Variants in LRRC37A2 observed in about 807,000 individuals in gnomAD.
LRRC37A2 encodes the protein leucine rich repeat containing 37 member A2.
A neutral mutation model predicts 68.8 loss-of-function variants in LRRC37A2; 9 were observed. That is an observed-to-expected ratio of 0.13 (90% CI 0.08 to 0.23). LRRC37A2 has a LOEUF of 0.23. LRRC37A2 is among the 10% of genes least tolerant of loss of function. The pLI, the probability that LRRC37A2 is intolerant of heterozygous loss-of-function variation, is 1.00. For synonymous variants in LRRC37A2, 63 were observed against 367.6 expected (o/e 0.17, Z 9.48); for missense variants, 168 against 950.4 (o/e 0.18, Z 10.82).
chr17:46,957,798 C>T, the LRRC37A2 span, among the ~76,000 whole-genome samples: 1 of 152,116 alleles, frequency 6.6e-6, no homozygotes, highest in Non-Finnish European at 1.5e-5. Context: ...GGCCAGATAT[C>T]GGACAGGAGA....
At chr17:46,545,180 C>A (rs2145697310) in intron 8 of LRRC37A2, among the ~76,000 whole-genome samples, 1 of 134,354 alleles carries the variant, frequency 7.4e-6, no homozygotes, top group South Asian at 2.2e-4. Context: ...ACTTGTAATC[C>A]CAGCACTTTG....
At chr17:46,994,407 T>TG in the LRRC37A2 span, among the ~76,000 whole-genome samples, 1 of 140,344 alleles carries the variant, frequency 7.1e-6, no homozygotes, top group Non-Finnish European at 1.5e-5. Context: ...AAAATGCTGG[T>TG]GGGGGTTGGG....
the LRRC37A2 span, among the ~76,000 whole-genome samples, chr17:46,494,442 A>G: frequency 8.0e-5 from 12 of 149,268 alleles, no homozygotes; most frequent in South Asian, 2.5e-3. Flanking sequence ...CAGCTCTGCC[A>G]TTGTAGCAAT....
chr17:46,865,739 G>A, the LRRC37A2 span, among the ~76,000 whole-genome samples: 2 of 152,048 alleles, frequency 1.3e-5, no homozygotes, highest in Non-Finnish European at 2.9e-5. Flanking sequence ...GCCTGTAGCT[G>A]GAACCACAGG....
the LRRC37A2 span, chr17:46,769,726 C>T: frequency 5.0e-6 from 8 of 1,597,212 alleles, no homozygotes; most frequent in African/African-American, 1.3e-5. Context: ...AGGGCAGCTC[C>T]GGAGGGGAAG....
chr17:46,799,610 G>A, the LRRC37A2 span, among the ~76,000 whole-genome samples: 4 of 151,986 alleles, frequency 2.6e-5, no homozygotes, highest in Non-Finnish European at 4.4e-5. Context: ...ACCATGCCTG[G>A]CTACTTTTTG....
chr17:46,512,812 G>A (rs2051034179), exon 2 of LRRC37A2: 5 of 696,482 alleles, frequency 7.2e-6, no homozygotes, highest in Non-Finnish European at 1.1e-5. Flanking sequence ...GTGGCTACTA[G>A]TTAAGGAGGC....
chr17:46,875,056 C>G, the LRRC37A2 span: 7 of 1,613,278 alleles, frequency 4.3e-6, no homozygotes, highest in South Asian at 7.7e-5. Context: ...CCTTTCCTCT[C>G]TTCCCCCTTT....
At chr17:46,394,609 A>G in the LRRC37A2 span, among the ~76,000 whole-genome samples, 5 of 74,782 alleles carry the variant, frequency 6.7e-5, no homozygotes, top group Non-Finnish European at 1.9e-4. Context: ...TACACCCTCT[A>G]GGATGGTCAT....
chr17:46,744,009 C>T, the LRRC37A2 span, among the ~76,000 whole-genome samples: 5 of 152,108 alleles, frequency 3.3e-5, no homozygotes, highest in African/African-American at 1.2e-4. Context: ...AGGGCCTTGC[C>T]AGTGCCTACT....
chr17:46,871,303 C>T, the LRRC37A2 span, among the ~76,000 whole-genome samples: 1 of 152,180 alleles, frequency 6.6e-6, no homozygotes, highest in South Asian at 2.1e-4. Flanking sequence ...ATTCCACCCA[C>T]ACTGGGGGCA....
At chr17:46,970,159 A>G in the LRRC37A2 span, among the ~76,000 whole-genome samples, 37 of 152,214 alleles carry the variant, frequency 2.4e-4, no homozygotes, top group Admixed American at 9.8e-4. Context: ...ATGTGGTTCC[A>G]TCCCACGGCT....
the LRRC37A2 span, among the ~76,000 whole-genome samples, chr17:46,900,184 T>TATAC: frequency 1.1e-4 from 13 of 122,182 alleles, no homozygotes; most frequent in Non-Finnish European, 1.9e-4. Flanking sequence ...TATATATATA[T>TATAC]ATATATATAT....
chr17:46,877,337 C>T, the LRRC37A2 span, among the ~76,000 whole-genome samples: 1 of 152,202 alleles, frequency 6.6e-6, no homozygotes, highest in Non-Finnish European at 1.5e-5. Flanking sequence ...CTTGAGTGGA[C>T]CCGAGTGAGA....
chr17:46,903,853 T>A, the LRRC37A2 span, among the ~76,000 whole-genome samples: 1 of 142,966 alleles, frequency 7.0e-6, no homozygotes, highest in Non-Finnish European at 1.5e-5. Context: ...GATGGATAGG[T>A]GGGTGGATGT....
the LRRC37A2 span, among the ~76,000 whole-genome samples, chr17:46,902,071 G>C: frequency 5.9e-5 from 9 of 152,176 alleles, no homozygotes; most frequent in Non-Finnish European, 8.8e-5. Flanking sequence ...GCCTCCCAAA[G>C]TGCTGGGATT....
chr17:46,913,146 C>G, the LRRC37A2 span, among the ~76,000 whole-genome samples: 10 of 152,188 alleles, frequency 6.6e-5, no homozygotes, highest in Admixed American at 2.0e-4. Context: ...ATGGCTCCAC[C>G]GCTAAGGGCA....
the LRRC37A2 span, chr17:46,963,627 C>T: frequency 2.6e-5 from 4 of 151,980 alleles, no homozygotes; most frequent in East Asian, 1.9e-4. Flanking sequence ...CACTAATCAT[C>T]CTCAGTGTTC....
At chr17:46,915,362 G>GT in the LRRC37A2 span, among the ~76,000 whole-genome samples, 28 of 152,314 alleles carry the variant, frequency 1.8e-4, no homozygotes, top group African/African-American at 5.3e-4. Flanking sequence ...GGCTCCCAGA[G>GT]TAAGTGCTGC....
Sources: gnomAD v4.1 joint callset for allele counts (sites outside exome capture counted in the v4.1 genomes callset) on GRCh38, gnomAD v4.1.1 for gene constraint, MANE v1.5 for transcripts, NCBI Gene and HGNC (gene_info 2026-07-23, HGNC 2026-07-21) for gene names.